Variants in RELN observed in about 807,000 individuals in gnomAD.
The protein encoded by RELN is reelin.
A neutral mutation model predicts 427.6 loss-of-function variants in RELN; 108 were observed. That is an observed-to-expected ratio of 0.25 (90% CI 0.22 to 0.30). The LOEUF (loss-of-function observed/expected upper bound fraction) is 0.30. Ranked by LOEUF, RELN falls within the 10% of genes least tolerant of loss-of-function variation. The pLI is 1.00. For synonymous variants in RELN, 1,524 were observed against 1,513.4 expected (o/e 1.01, Z -0.16); for missense variants, 3,715 against 4,302.8 (o/e 0.86, Z 3.82).
In RELN at chr7:103,989,601, G is replaced by C; in HGVS notation, c.-245C>G. On this transcript the variant is annotated 5_prime_UTR_variant, in exon 1 of 65. Transcript: ENST00000428762. This position sits in a 1 kb window ranked among gnomAD's most constrained non-coding sequence, Gnocchi z 4.9. ...GGGCTGCGGGCGCCGAGAGCGCGTCGTCTGCCGCCTCCGTGCGCCGCCGCC... is the reference window on the plus strand; with the variant it reads ...GGGCTGCGGGCGCCGAGAGCGCGTCCTCTGCCGCCTCCGTGCGCCGCCGCC... 1 of 361,194 alleles carries C rather than the reference G, an allele frequency of 2.8e-6. No homozygotes were observed. Among genetic ancestry groups the C allele is most frequent in the Non-Finnish European group, 4.8e-6 (1 of 209,186 alleles). 22.4% of individuals were successfully genotyped at this position (361,194 alleles called of 1,614,324 possible).
At chr7:103,511,581 T>TAAAAC (rs1190730604) in intron 50 of RELN, among the ~76,000 whole-genome samples, 1 of 152,152 alleles carries the variant, frequency 6.6e-6, no homozygotes, top group African/African-American at 2.4e-5. Flanking sequence ...GACACACATT[T>TAAAAC]AAAACATACA....
At chr7:103,927,381 T>A (rs1490286220) in intron 1 of RELN, among the ~76,000 whole-genome samples, 1 of 152,194 alleles carries the variant, frequency 6.6e-6, no homozygotes, top group Non-Finnish European at 1.5e-5. Flanking sequence ...GACATCGAAA[T>A]TCACAAAATA....
At position 103,515,224 on chromosome 7, in the gene RELN, T is replaced by C; in HGVS notation, c.8080A>G (p.Arg2694Gly). ...RSPADAGPVG[R>G]IAFDMFMEDK... ...TCCATAAACATGTCAAAGGCGATCC[T>C]CCCGACAGGGCCGGCATCTGCAGGG... The change falls in exon 50 of 65, where the codon AGG becomes GGG. Residue 2694 changes from arginine (R) to glycine (G), a missense_variant. Physicochemically the swap from Arg to Gly is moderately radical, Grantham distance 125. Coordinates refer to ENST00000428762, the MANE Select transcript of RELN (RefSeq NM_005045.4). 6.2e-7 allele frequency: 1 copy of C among 1,614,162 alleles called. No homozygotes were observed.
chr7:103,592,631 A>G (rs2117246253), intron 27 of RELN, among the ~76,000 whole-genome samples: 1 of 152,346 alleles, frequency 6.6e-6, no homozygotes, highest in South Asian at 2.1e-4. Flanking sequence ...AAATGCTTGA[A>G]ATATTTAACA....
In RELN at chr7:103,551,286, C is replaced by T. The variant is rs1584287058; in HGVS notation, c.6083G>A (p.Gly2028Asp). 2 of 1,613,234 alleles carry T rather than the reference C, an allele frequency of 1.2e-6. No homozygotes were observed. Among genetic ancestry groups the T allele is most frequent in the South Asian group, 2.2e-5 (2 of 91,032 alleles). Residue 2028 changes from glycine to aspartate, a missense_variant, in exon 41 of 65, where the codon GGC (glycine) becomes GAC (aspartate). This residue lies in a region of RELN where 1,310 missense variants were observed against 1,643.0 expected (regional missense o/e 0.80). Transcript: ENST00000428762. The stretch of plus-strand genomic sequence containing the variant: ...CGCGGATGAGCTATCAGTCGAACAG[C>T]CAACGTTGATCTTGGGGATGAAGAA... The part of the protein sequence containing the change: ...NTIIQFEINV[G>D]CSTDSSSADP...
chr7:103,515,286 G>A lies in RELN; in HGVS notation c.8018C>T (p.Thr2673Ile). Residue 2673 changes from threonine (T) to isoleucine (I), a missense_variant, in exon 50 of 65, where the codon ACC (threonine) becomes ATC (isoleucine). Physicochemically the swap from Thr to Ile is moderately conservative, Grantham distance 89 (BLOSUM62 -1). Around this residue, in one of 4 missense-constraint regions of RELN, gnomAD observed 1,310 missense variants for 1,643.0 expected, o/e 0.80. Coordinates refer to ENST00000428762, the MANE Select transcript of RELN (RefSeq NM_005045.4). ...CTGGGGTACTGGGGCGCTGCTGAAG[G>A]TGTCCAGCATAACGGTCCTTTGGTC... is the stretch of plus-strand genomic sequence containing the variant. ...SADQRTVMLDTFSSAPVPQHE... is the reference protein window; with the variant it reads ...SADQRTVMLDIFSSAPVPQHE... 6.2e-7 allele frequency: 1 copy of A among 1,614,204 alleles called. No individual in the cohort carries two copies. Among genetic ancestry groups the A allele is most frequent in the Non-Finnish European group, 8.5e-7 (1 of 1,180,028 alleles).
chr7:103,535,240 T>A, intron 46 of RELN, 76 bp downstream of exon 46: 1 of 1,410,340 alleles, frequency 7.1e-7, no homozygotes, highest in Non-Finnish European at 1.0e-6. Flanking sequence ...CTCATTAAAC[T>A]TGACATGCCA....
At chr7:103,869,682 T>G (rs1481592628) in intron 2 of RELN, among the ~76,000 whole-genome samples, 1 of 152,140 alleles carries the variant, frequency 6.6e-6, no homozygotes, top group East Asian at 1.9e-4. Context: ...ATATTTTATC[T>G]TTAGCTTTGA....
chr7:103,742,650 G>A (rs1347083853), intron 6 of RELN, among the ~76,000 whole-genome samples: 1 of 152,184 alleles, frequency 6.6e-6, no homozygotes, highest in Non-Finnish European at 1.5e-5. Flanking sequence ...GCGATCAACT[G>A]GAAGAAAGGG....
intron 4 of RELN, among the ~76,000 whole-genome samples, chr7:103,770,828 A>G (rs1376215275): frequency 6.6e-6 from 1 of 151,848 alleles, no homozygotes; most frequent in African/African-American, 2.4e-5. Context: ...ATTGAGCATG[A>G]AGCTTTCCAT....
intron 3 of RELN, among the ~76,000 whole-genome samples, chr7:103,792,516 G>A (rs1425359769): frequency 6.6e-5 from 8 of 121,246 alleles, no homozygotes; most frequent in Non-Finnish European, 3.2e-5. Context: ...TCCAGAATAG[G>A]CAATTCTATA....
In RELN at chr7:103,522,207, C is replaced by T. The variant is rs1341556899; in HGVS notation, c.7491-8G>A. The T allele has an allele frequency of 1.1e-5, 17 of 1,613,516 alleles. No homozygotes were observed. The highest frequency in any genetic ancestry group is 1.4e-5 in the Non-Finnish European group (17 of 1,179,850). On this transcript the variant is annotated splice_region_variant and splice_polypyrimidine_tract_variant and intron_variant, in intron 47 of 64. Transcript: ENST00000428762. Reference sequence around the variant, plus strand: ...CCCCACTGTTCATCACAGCTGGGTGCAGAGCAAGAGAGAGGAAAAGTCAAC... The same window carrying T: ...CCCCACTGTTCATCACAGCTGGGTGTAGAGCAAGAGAGAGGAAAAGTCAAC...
intron 34 of RELN, among the ~76,000 whole-genome samples, chr7:103,564,596 C>T (rs1190468602): frequency 6.6e-6 from 1 of 152,088 alleles, no homozygotes; most frequent in Non-Finnish European, 1.5e-5. Flanking sequence ...TATCTCTCCC[C>T]TCCATTCTCC....
intron 6 of RELN, among the ~76,000 whole-genome samples, chr7:103,730,156 C>A (rs554832502): frequency 2.1e-4 from 32 of 152,210 alleles, no homozygotes; most frequent in African/African-American, 7.2e-4. Flanking sequence ...CAATGGCTAT[C>A]TGCCATTTGT....
intron 2 of RELN, among the ~76,000 whole-genome samples, chr7:103,871,832 C>T (rs1794342306): frequency 6.6e-6 from 1 of 151,998 alleles, no homozygotes; most frequent in African/African-American, 2.4e-5. Context: ...GCAATCCTTG[C>T]TTTGCTCATT....
At chr7:103,618,600 T>C (rs1045178616) in intron 20 of RELN, among the ~76,000 whole-genome samples, 2 of 152,246 alleles carry the variant, frequency 1.3e-5, no homozygotes, top group South Asian at 2.1e-4. Flanking sequence ...AGGCTCTTTT[T>C]ATACTTTTTG....
chr7:103,753,296 T>G (rs1791053946), intron 4 of RELN, 82 bp from the exon 5 acceptor site: 13 of 1,454,330 alleles, frequency 8.9e-6, no homozygotes, highest in Non-Finnish European at 1.3e-5. Flanking sequence ...AACACAGTTA[T>G]AAAACTTAAG....
chr7:103,501,384 C>T (rs780764311), intron 52 of RELN, among the ~76,000 whole-genome samples: 4 of 152,110 alleles, frequency 2.6e-5, no homozygotes, highest in Non-Finnish European at 5.9e-5. Flanking sequence ...TTTCTGAATT[C>T]CCTGAAGACA....
At chr7:103,529,685 A>G (rs1360943782) in intron 46 of RELN, among the ~76,000 whole-genome samples, 1 of 151,946 alleles carries the variant, frequency 6.6e-6, no homozygotes, top group East Asian at 1.9e-4. Flanking sequence ...TCCTCAGACC[A>G]TCTCTCTTAG....
Sources: allele counts gnomAD v4.1 joint callset (sites outside exome capture counted in the v4.1 genomes callset), GRCh38; gene constraint gnomAD v4.1.1; regional missense constraint gnomAD v4.1.1; non-coding constraint Gnocchi (gnomAD v3.1); transcripts MANE v1.5; gene names NCBI Gene and HGNC (gene_info 2026-07-23, HGNC 2026-07-21).